Variants in KIRREL1 observed in about 807,000 individuals in gnomAD.
KIRREL1 encodes kirre like nephrin family adhesion molecule 1.
KIRREL1 carries 25 observed loss-of-function variants against 83.3 expected under a neutral mutation model. The ratio of observed to expected loss-of-function variants is 0.30; its 90% CI spans 0.22 to 0.42. The LOEUF (loss-of-function observed/expected upper bound fraction) is 0.42, where lower values mean the gene tolerates loss of function less well. KIRREL1 is among the 10% of genes least tolerant of loss of function. KIRREL1 has a pLI of 1.00. For synonymous variants in KIRREL1, 388 were observed against 410.4 expected, an observed-to-expected ratio of 0.95 and a Z score of 0.66; for missense variants, 812 against 1,032.3, an observed-to-expected ratio of 0.79 and a Z score of 2.92.
intron 1 of KIRREL1, among the ~76,000 whole-genome samples, chr1:158,032,629 G>A (rs1332865908): frequency 3.3e-5 from 5 of 152,186 alleles, no homozygotes; most frequent in African/African-American, 1.2e-4. Flanking sequence ...GAGAAGAGAT[G>A]AGCTCTGGAT....
At chr1:158,021,899 A>G (rs1413721563) in intron 1 of KIRREL1, among the ~76,000 whole-genome samples, 1 of 152,204 alleles carries the variant, frequency 6.6e-6, no homozygotes, top group Non-Finnish European at 1.5e-5. Flanking sequence ...GGGACAGGAA[A>G]TAATACTGGG....
intron 1 of KIRREL1, among the ~76,000 whole-genome samples, chr1:158,051,163 C>A (rs1660900890): frequency 6.6e-6 from 1 of 152,156 alleles, no homozygotes; most frequent in African/African-American, 2.4e-5. Flanking sequence ...CATGGGCAGC[C>A]CAGTGTAGTT....
In KIRREL1 at chr1:158,071,660, C is replaced by G. The variant is rs180972893; in HGVS notation, c.53-4453C>G. Among the ~76,000 whole-genome samples the G allele has an allele frequency of 2.0e-5, 3 of 152,308 alleles. No individual in the cohort carries two copies. In the East Asian group the frequency reaches 5.8e-4, roughly 29 times the overall value. On this transcript the variant is annotated intron_variant, in intron 1 of 14. Transcript: ENST00000359209. ...CCCCCGGGAGGCCACCTTCCCACCC[C>G]ACATAGAGCAGTTTCCTTGTGTTTC...
chr1:158,061,218 C>T (rs1025590763), intron 1 of KIRREL1, among the ~76,000 whole-genome samples: 1 of 152,036 alleles, frequency 6.6e-6, no homozygotes, highest in Non-Finnish European at 1.5e-5. Context: ...GGGAGTAAAT[C>T]GAGAGGGAAT....
rs149811460 is a variant in KIRREL1, at chr1:158,094,280, G to A, written c.1720-33G>A. 457 of 1,570,700 alleles carry A rather than the reference G, an allele frequency of 2.9e-4. No individual in the cohort carries two copies. Among genetic ancestry groups the A allele is most frequent in the Admixed American group, 4.5e-4 (24 of 53,028 alleles). On this transcript the variant is annotated intron_variant, in intron 13 of 14. Transcript: ENST00000359209. This position sits in a 1 kb window ranked among gnomAD's most constrained non-coding sequence, Gnocchi z 4.6. ...GAGGGGCGAAAAGAGCAGGGCTTCC[G>A]TCTGCTGACGTCCCACTCCTGCTGC...
rs3820676 is a variant in KIRREL1 at position 158,087,901 on chromosome 1, A to G, written c.767+41A>G. 1.9e-6 allele frequency: 3 copies of G among 1,607,858 alleles called. No homozygotes were observed. In the African/African-American group the frequency reaches 4.0e-5, roughly 22 times the overall value. On this transcript the variant is annotated intron_variant, in intron 6 of 14. Coordinates refer to ENST00000359209, the MANE Select transcript of KIRREL1 (RefSeq NM_018240.7). ...GCTGGGAGCGCTCTGGGGAGTGATA[A>G]GGAAGAGTTCGGGGTTAGAGGCTGT... is the stretch of plus-strand genomic sequence containing the variant.
In KIRREL1 at chr1:158,099,968, T is replaced by C. The variant is rs988797992; in HGVS notation, c.*4848T>C. ...GGTCACATTTTCTACCCAGCCATTC[T>C]TGGCATTGCAACCTCCATTTCTAGC... On this transcript the variant is annotated 3_prime_UTR_variant, in exon 15 of 15. Transcript: ENST00000359209. 1 of 152,184 alleles carries C rather than the reference T, an allele frequency of 6.6e-6. No homozygotes were observed. Among genetic ancestry groups the C allele is most frequent in the African/African-American group, 2.4e-5 (1 of 41,436 alleles). The allele number at this position is 152,184 out of a possible 1,614,324, so 9.4% of individuals were successfully genotyped here.
Position 158,088,441 on chromosome 1 carries a change from A to G in KIRREL1, c.1031A>G (p.Lys344Arg), listed in dbSNP as rs1467025697. Residue 344 changes from lysine to arginine, a missense_variant, in exon 8 of 15, where the codon AAG becomes AGG. By Grantham distance (26) the Lys-to-Arg change is conservative. Transcript: ENST00000359209. ...CCCCTCACTCTCACCTGGACCAAAA[A>G]GGACTCAAATATGGTAAGACTCTTA... ...NPPLTLTWTK[K>R]DSNMVLSNSN... 4 of 1,602,378 alleles carry G rather than the reference A, an allele frequency of 2.5e-6. No individual in the cohort carries two copies. The highest frequency in any genetic ancestry group is 3.4e-6 in the Non-Finnish European group (4 of 1,176,504).
rs116403007 is a variant in KIRREL1 at position 158,031,750 on chromosome 1, C to T, written c.52+38022C>T. ...CTTGTATTTTGAGGGATCCCAGTTG[C>T]TTGGAGGGATAGATAAAGAAGATTG... On this transcript the variant is annotated intron_variant, in intron 1 of 14. Transcript: ENST00000359209. Among the ~76,000 whole-genome samples, 618 of 152,228 alleles carry T rather than the reference C, an allele frequency of 4.1e-3. 3 individuals are homozygous for T. The highest frequency in any genetic ancestry group is 0.014 in the African/African-American group (561 of 41,524).
Position 158,089,496 on chromosome 1 carries a change from GC to G in KIRREL1, c.1045-3del. 6.2e-7 allele frequency: 1 copy of G among 1,614,100 alleles called. No homozygotes were observed. The highest frequency in any genetic ancestry group is 8.5e-7 in the Non-Finnish European group (1 of 1,180,016). ...CTCCCCACCCGAGGCTGCTCTCTCTGCCCAGGTCCTGAGTAACAGCAACCAG... is the reference window on the plus strand; with the variant it reads ...CTCCCCACCCGAGGCTGCTCTCTCTGCCAGGTCCTGAGTAACAGCAACCAG... On this transcript the variant is annotated splice_region_variant and splice_polypyrimidine_tract_variant and intron_variant, in intron 8 of 14. Coordinates refer to ENST00000359209, the MANE Select transcript of KIRREL1 (RefSeq NM_018240.7).
intron 1 of KIRREL1, among the ~76,000 whole-genome samples, chr1:158,004,914 A>G (rs1315163359): frequency 6.6e-6 from 1 of 152,236 alleles, no homozygotes; most frequent in Admixed American, 6.5e-5. Flanking sequence ...ACTGCACTCC[A>G]GCCTGGGCCA....
chr1:158,012,368 G>C (rs187932753), intron 1 of KIRREL1, among the ~76,000 whole-genome samples: 1 of 152,144 alleles, frequency 6.6e-6, no homozygotes, highest in Non-Finnish European at 1.5e-5. Context: ...CCTCCTACCC[G>C]TGTGACCTTG....
intron 1 of KIRREL1, among the ~76,000 whole-genome samples, chr1:157,997,405 CATAG>C (rs760703705): frequency 3.3e-5 from 5 of 152,104 alleles, no homozygotes; most frequent in Non-Finnish European, 5.9e-5. Flanking sequence ...TGAGGTGAGA[CATAG>C]ATAGACAGGC....
intron 1 of KIRREL1, among the ~76,000 whole-genome samples, chr1:158,063,864 C>T (rs895152506): frequency 3.3e-5 from 5 of 152,286 alleles, no homozygotes; most frequent in South Asian, 2.1e-4. Flanking sequence ...TGGCCGCTGT[C>T]GCACTGTATG....
At chr1:158,069,937 G>A (rs61818112) in intron 1 of KIRREL1, among the ~76,000 whole-genome samples, 10,074 of 152,270 alleles carry the variant, frequency 0.066, 468 homozygotes, top group East Asian at 0.21. Flanking sequence ...GTAGCCACTG[G>A]TGGCCTGAAG....
chr1:158,016,808 C>CA (rs1439657701), intron 1 of KIRREL1, among the ~76,000 whole-genome samples: 2 of 152,156 alleles, frequency 1.3e-5, no homozygotes, highest in African/African-American at 4.8e-5. Context: ...TTTGCCTAGT[C>CA]AGACAGGGAG....
chr1:158,089,430 G>A lies in KIRREL1; in HGVS notation c.1045-72G>A, dbSNP rs777559693. On this transcript the variant is annotated intron_variant, in intron 8 of 14. Transcript: ENST00000359209. ...TTCCTGCTTTCTTTCCGATGCCTCC[G>A]ATGTGGGGCCCTCATGGACCTAGGG... 3.1e-6 allele frequency: 5 copies of A among 1,593,700 alleles called. No homozygotes were observed. The South Asian group carries it at 3.4e-5, about 11-fold the overall frequency.
intron 1 of KIRREL1, among the ~76,000 whole-genome samples, chr1:158,026,314 C>T (rs1222429630): frequency 2.0e-5 from 3 of 152,148 alleles, no homozygotes; most frequent in Admixed American, 6.5e-5. Flanking sequence ...TCTTCCTGTC[C>T]TGCCAGGTAA....
chr1:158,075,574 G>A lies in KIRREL1; in HGVS notation c.53-539G>A, dbSNP rs535734416. ...TTATAGTATCTACCCTGATGTATTC[G>A]TGGAGGAATTGTACCTGGCATAGTT... is the stretch of plus-strand genomic sequence containing the variant. On this transcript the variant is annotated intron_variant, in intron 1 of 14. Coordinates refer to ENST00000359209, the MANE Select transcript of KIRREL1 (RefSeq NM_018240.7). Among the ~76,000 whole-genome samples, 4 of 152,360 alleles carry A rather than the reference G, an allele frequency of 2.6e-5. No individual in the cohort carries two copies. The East Asian group carries it at 5.8e-4, about 22-fold the overall frequency.
Sources: gnomAD v4.1 joint callset for allele counts (sites outside exome capture counted in the v4.1 genomes callset) on GRCh38, gnomAD v4.1.1 for gene constraint, Gnocchi (gnomAD v3.1) non-coding constraint, MANE v1.5 for transcripts, NCBI Gene and HGNC (gene_info 2026-07-23, HGNC 2026-07-21) for gene names.